The following GPC6 variants were observed in gnomAD, a reference collection of about 807,000 sequenced individuals.
GPC6 encodes glypican 6.
In GPC6, 14 loss-of-function variants were observed where a neutral mutation model predicts 55.2. The observed-to-expected ratio is 0.25, with a 90% CI of 0.17 to 0.40. The LOEUF (loss-of-function observed/expected upper bound fraction) is 0.40, where lower values mean the gene tolerates loss of function less well. GPC6 is among the 10% of genes least tolerant of loss of function. GPC6 has a pLI of 1.00. For missense variants in GPC6, 641 were observed against 708.5 expected (o/e 0.90, Z 1.08); for synonymous variants, 278 against 259.6 (o/e 1.07, Z -0.68).
rs1285095001 is a variant in GPC6 at position 94,382,448 on chromosome 13, A to C, written c.1187A>C (p.Lys396Thr). 6.2e-7 allele frequency: 1 copy of C among 1,614,116 alleles called. No homozygotes were observed. The change falls in exon 7 of 9, where the codon AAA (lysine) becomes ACA (threonine). Residue 396 changes from lysine (K) to threonine (T), a missense_variant. Lys to Thr is a moderately conservative substitution (Grantham distance 78). Coordinates refer to ENST00000377047, the MANE Select transcript of GPC6 (RefSeq NM_005708.5). ...TDIKEKLKLS[K>T]KVWSALPYTI... ...ATAAAAGAGAAATTGAAGCTCTCTA[A>C]AAAGGTCTGGTCAGCATTACCCTAC...
At chr13:94,176,643 T>G (rs1888784724) in intron 4 of GPC6, among the ~76,000 whole-genome samples, 1 of 152,252 alleles carries the variant, frequency 6.6e-6, no homozygotes, top group Non-Finnish European at 1.5e-5. Flanking sequence ...CAGAATTCTA[T>G]GTTCTGTGCT....
chr13:93,337,392 T>C (rs1250731947), intron 1 of GPC6, among the ~76,000 whole-genome samples: 1 of 152,206 alleles, frequency 6.6e-6, no homozygotes. Flanking sequence ...AGTTAACACA[T>C]ACATTGTACT....
chr13:94,270,839 A>G (rs1460706143), intron 4 of GPC6, among the ~76,000 whole-genome samples: 1 of 152,150 alleles, frequency 6.6e-6, no homozygotes, highest in Non-Finnish European at 1.5e-5. Flanking sequence ...CCGAACACTA[A>G]GAGAAGTGGC....
intron 1 of GPC6, among the ~76,000 whole-genome samples, chr13:93,526,929 G>C (rs1447532683): frequency 6.6e-6 from 1 of 151,942 alleles, no homozygotes; most frequent in South Asian, 2.1e-4. Context: ...TGCCTGTTTT[G>C]TTGGCAGTCT....
chr13:93,632,782 G>C (rs1016009255), intron 2 of GPC6, among the ~76,000 whole-genome samples: 7 of 151,778 alleles, frequency 4.6e-5, no homozygotes, highest in African/African-American at 1.5e-4. Flanking sequence ...CACAGGTATG[G>C]ATCCTTTTCC....
chr13:94,396,429 G>A lies in GPC6; in HGVS notation c.1290-2037G>A, dbSNP rs374435721. On this transcript the variant is annotated intron_variant, in intron 7 of 8. Transcript: ENST00000377047. Reference sequence around the variant, plus strand: ...AATAAAGGCACGTCTTTTGGTGGATGGTGCCCTGCAGGGGTGTAGCTTGGT... The same window carrying A: ...AATAAAGGCACGTCTTTTGGTGGATAGTGCCCTGCAGGGGTGTAGCTTGGT... 5.3e-5 allele frequency among the ~76,000 whole-genome samples: 8 copies of A among 152,348 alleles called. No individual in the cohort carries two copies. In the East Asian group the frequency reaches 1.2e-3, roughly 22 times the overall value.
intron 1 of GPC6, among the ~76,000 whole-genome samples, chr13:93,480,074 C>A (rs1879459593): frequency 6.6e-6 from 1 of 152,134 alleles, no homozygotes; most frequent in African/African-American, 2.4e-5. Flanking sequence ...GTTACTTTGG[C>A]AACATAGACA....
chr13:94,035,379 G>A lies in GPC6; in HGVS notation c.877+7485G>A, dbSNP rs550155975. Among the ~76,000 whole-genome samples, 165 of 152,118 alleles carry A rather than the reference G, an allele frequency of 1.1e-3. 3 individuals carry two copies. The highest frequency in any genetic ancestry group is 2.0e-3 in the Admixed American group (31 of 15,248). On this transcript the variant is annotated intron_variant, in intron 4 of 8. Coordinates refer to ENST00000377047, the MANE Select transcript of GPC6 (RefSeq NM_005708.5). ...GCACATTAGCCCAATGACATTCTTA[G>A]CTATTCAAATTTTAGGAGATAAAAG...
In GPC6 at chr13:94,398,234, A is replaced by G. The variant is rs79505744; in HGVS notation, c.1290-232A>G. Among the ~76,000 whole-genome samples, 5,288 of 149,058 alleles carry G rather than the reference A, an allele frequency of 0.035. 156 individuals are homozygous for G. The highest frequency in any genetic ancestry group is 0.047 in the Non-Finnish European group (3,167 of 67,828). ...CAGACCTACCTAAGAACTCAGTGCC[A>G]TTTAAAAAAAAAAAAAAAACTAGTC... On this transcript the variant is annotated intron_variant, in intron 7 of 8. Transcript: ENST00000377047.
intron 1 of GPC6, among the ~76,000 whole-genome samples, chr13:93,511,095 C>A (rs978883960): frequency 6.9e-6 from 1 of 145,718 alleles, no homozygotes; most frequent in African/African-American, 2.5e-5. Flanking sequence ...GGATGTTAGT[C>A]CCCTGTCGGA....
rs77091359 is a variant in GPC6 at position 94,219,132 on chromosome 13, C to T, written c.878-67217C>T. On this transcript the variant is annotated intron_variant, in intron 4 of 8. Transcript: ENST00000377047. ...TTTGGGGGTGATAGAGTAACCACAA[C>T]GGCAATAACATGCCCTTTAAAAGAG... Among the ~76,000 whole-genome samples, 139 of 152,194 alleles carry T rather than the reference C, an allele frequency of 9.1e-4. 2 individuals are homozygous for T. The East Asian group carries it at 0.024, about 26-fold the overall frequency.
rs760245856 is a variant in GPC6, at chr13:94,406,730, C to T, written c.*3513C>T. 13 of 152,046 alleles carry T rather than the reference C, an allele frequency of 8.6e-5. No individual in the cohort carries two copies. The highest frequency in any genetic ancestry group is 1.3e-4 in the Non-Finnish European group (9 of 67,938). The allele number at this position is 152,046 out of a possible 1,614,324, so 9.4% of individuals were successfully genotyped here. ...ACATGTTTCGGCTACAGACTGAACA[C>T]GAACTAAAGTCCCTAAGGAGGAAAA... On this transcript the variant is annotated 3_prime_UTR_variant, in exon 9 of 9. Transcript: ENST00000377047.
At position 93,324,587 on chromosome 13, in the gene GPC6, C is replaced by CATATATATATATATATATAT. The variant is rs34871661; in HGVS notation, c.160+96977_160+96996dup. 2.8e-3 allele frequency among the ~76,000 whole-genome samples: 346 copies of CATATATATATATATATATAT among 122,736 alleles called. 1 individual carries two copies. Among genetic ancestry groups the CATATATATATATATATATAT allele is most frequent in the Admixed American group, 6.8e-3 (73 of 10,748 alleles). The allele number at this position is 122,736 out of a possible 152,430, so 80.5% of individuals were successfully genotyped here. On this transcript the variant is annotated intron_variant, in intron 1 of 8. Transcript: ENST00000377047. ...ATATATATATACACACACATACATA[C>CATATATATATATATATATAT]ATATATATATATATATATATATATA... is the stretch of plus-strand genomic sequence containing the variant.
chr13:93,993,805 T>G (rs966748028), intron 3 of GPC6, among the ~76,000 whole-genome samples: 1 of 152,208 alleles, frequency 6.6e-6, no homozygotes, highest in African/African-American at 2.4e-5. Flanking sequence ...CATTACATGA[T>G]TACTATGGTT....
intron 3 of GPC6, among the ~76,000 whole-genome samples, chr13:93,935,519 G>T (rs1365946425): frequency 6.6e-6 from 1 of 152,110 alleles, no homozygotes; most frequent in Non-Finnish European, 1.5e-5. Flanking sequence ...ACTTAGGTTG[G>T]TTCCATGACT....
chr13:94,158,115 T>C (rs549440183), intron 4 of GPC6, among the ~76,000 whole-genome samples: 166 of 152,308 alleles, frequency 1.1e-3, no homozygotes, highest in African/African-American at 3.9e-3. Flanking sequence ...TCCTGCCAGA[T>C]ATTAGGGCTT....
At chr13:93,779,697 C>G (rs1885577782) in intron 2 of GPC6, among the ~76,000 whole-genome samples, 1 of 152,248 alleles carries the variant, frequency 6.6e-6, no homozygotes, top group Non-Finnish European at 1.5e-5. Context: ...ATCACTGTCT[C>G]TTTTTCATAT....
intron 1 of GPC6, among the ~76,000 whole-genome samples, chr13:93,465,846 C>A (rs1283074814): frequency 1.3e-5 from 2 of 152,136 alleles, no homozygotes; most frequent in Non-Finnish European, 2.9e-5. Flanking sequence ...TTAGCTTTTT[C>A]TTTAAAATGA....
chr13:93,514,999 GA>G (rs1200233512), intron 1 of GPC6, among the ~76,000 whole-genome samples: 2 of 152,168 alleles, frequency 1.3e-5, no homozygotes, highest in African/African-American at 2.4e-5. Context: ...GGCATTTAGA[GA>G]GGGGGCCTTT....
Sources: allele counts gnomAD v4.1 joint callset (sites outside exome capture counted in the v4.1 genomes callset), GRCh38; gene constraint gnomAD v4.1.1; transcripts MANE v1.5; gene names NCBI Gene and HGNC (gene_info 2026-07-23, HGNC 2026-07-21).